Variants in GPAT4 observed in about 807,000 individuals in gnomAD.
GPAT4 encodes glycerol-3-phosphate acyltransferase 4, also known as 1-AGP acyltransferase 6.
In GPAT4, 17 loss-of-function variants were observed where a neutral mutation model predicts 58.0. The ratio of observed to expected loss-of-function variants is 0.29; its 90% CI spans 0.20 to 0.44. The LOEUF is 0.44. Among genes scored for constraint, GPAT4 ranks in the 20% least tolerant of loss-of-function variants. The probability of loss-of-function intolerance (pLI) is 1.00; values close to 1 mark genes in which losing one functional copy is unlikely to be tolerated. For missense variants in GPAT4, 377 were observed against 574.5 expected, an observed-to-expected ratio of 0.66 and a Z score of 3.51; for synonymous variants, 204 against 210.1, an observed-to-expected ratio of 0.97 and a Z score of 0.25.
chr8:41,586,633 G>A (rs541055466), intron 1 of GPAT4, among the ~76,000 whole-genome samples: 30 of 152,224 alleles, frequency 2.0e-4, no homozygotes, highest in African/African-American at 3.6e-4. Flanking sequence ...CAGCCAGCCC[G>A]GTCTGACCTG....
chr8:41,605,694 C>T (rs1284045438), intron 2 of GPAT4, among the ~76,000 whole-genome samples: 1 of 152,150 alleles, frequency 6.6e-6, no homozygotes, highest in African/African-American at 2.4e-5. Flanking sequence ...CCTGCCTCAG[C>T]CCCGAGTAGT....
intron 1 of GPAT4, among the ~76,000 whole-genome samples, chr8:41,587,199 T>C (rs1802677845): frequency 6.6e-6 from 1 of 152,232 alleles, no homozygotes. Flanking sequence ...TTGCCCCCAG[T>C]ATGCTCTGCA....
At chr8:41,612,347 G>T (rs1803469804) in intron 7 of GPAT4, 74 bp downstream of exon 7, 2 of 1,469,514 alleles carry the variant, frequency 1.4e-6, no homozygotes, top group African/African-American at 1.4e-5. Flanking sequence ...GAGGCTCCTG[G>T]ACCCTTCACA....
intron 2 of GPAT4, among the ~76,000 whole-genome samples, chr8:41,602,199 T>C (rs1489807732): frequency 6.6e-6 from 1 of 152,130 alleles, no homozygotes; most frequent in Non-Finnish European, 1.5e-5. Flanking sequence ...AACTGATCCA[T>C]CCGACTCAGT....
chr8:41,623,442 G>A lies in GPAT4; in HGVS notation c.*2441G>A, dbSNP rs1017127365. On this transcript the variant is annotated 3_prime_UTR_variant, in exon 13 of 13. Coordinates refer to ENST00000396987, the MANE Select transcript of GPAT4 (RefSeq NM_178819.4). ...TGGGAATGACACCCAGTGGTGTAAT[G>A]AGTGGAAAGTGCTGGTCAGCTGCTA... 3 of 152,260 alleles carry A rather than the reference G, an allele frequency of 2.0e-5. No homozygotes were observed. The highest frequency in any genetic ancestry group is 7.2e-5 in the African/African-American group (3 of 41,444). The allele number at this position is 152,260 out of a possible 1,614,324, so 9.4% of individuals were successfully genotyped here.
At position 41,609,760 on chromosome 8, in the gene GPAT4, A is replaced by T; in HGVS notation, c.341A>T (p.Asp114Val). Residue 114 changes from aspartate (D) to valine (V), a missense_variant, in exon 4 of 13, where the codon GAC (aspartate) becomes GTC (valine). Coordinates refer to ENST00000396987, the MANE Select transcript of GPAT4 (RefSeq NM_178819.4). The stretch of plus-strand genomic sequence containing the variant: ...AACACTCCAGAGTTCGAGCTCTCTG[A>T]CATTTTCTACTTTTGCCGGAAAGGA... ...LDNTPEFELS[D>V]IFYFCRKGME... 1 of 1,614,184 alleles carries T rather than the reference A, an allele frequency of 6.2e-7. No individual in the cohort carries two copies.
chr8:41,579,321 A>G (rs531275219), intron 1 of GPAT4, among the ~76,000 whole-genome samples: 2 of 152,286 alleles, frequency 1.3e-5, no homozygotes, highest in African/African-American at 4.8e-5. Flanking sequence ...CCTGTGCCAT[A>G]CACACCCCAC....
intron 12 of GPAT4, among the ~76,000 whole-genome samples, chr8:41,620,683 G>T (rs1421070191): frequency 6.6e-6 from 1 of 152,152 alleles, no homozygotes; most frequent in African/African-American, 2.4e-5. Flanking sequence ...TCTCACCCAA[G>T]GGCAAGGGTA....
chr8:41,614,717 C>T lies in GPAT4; in HGVS notation c.968-246C>T, dbSNP rs942534300. ...TCATGGTGTCCTCCTAAGGCCACTG[C>T]GCGTCTCTGCTTTATCTAGGCTGTG... is the stretch of plus-strand genomic sequence containing the variant. On this transcript the variant is annotated intron_variant, in intron 9 of 12. Coordinates refer to ENST00000396987, the MANE Select transcript of GPAT4 (RefSeq NM_178819.4). Among the ~76,000 whole-genome samples, 10 of 152,252 alleles carry T rather than the reference C, an allele frequency of 6.6e-5. No individual in the cohort carries two copies. In the South Asian group the frequency reaches 1.9e-3, roughly 28 times the overall value.
intron 2 of GPAT4, 85 bp from the exon 3 acceptor site, chr8:41,609,331 C>A: frequency 7.2e-7 from 1 of 1,391,608 alleles, no homozygotes; most frequent in Non-Finnish European, 1.0e-6. Context: ...GGGACTGAGG[C>A]TTTCACAGAA....
At chr8:41,610,413 C>G in intron 4 of GPAT4, 1 of 1,248,854 alleles carries the variant, frequency 8.0e-7, no homozygotes, top group Non-Finnish European at 1.0e-6. Flanking sequence ...ACCGGGGTTT[C>G]CAGCCAAAGG....
chr8:41,614,382 A>G lies in GPAT4; in HGVS notation c.912-4A>G, dbSNP rs778363498. On this transcript the variant is annotated splice_polypyrimidine_tract_variant and splice_region_variant and intron_variant, in intron 8 of 12. Coordinates refer to ENST00000396987, the MANE Select transcript of GPAT4 (RefSeq NM_178819.4). ...ACCCTTTATTTTATTTTCTTCTTTGAAAGACTGACTGAACATGTGCAAGAT... is the reference window on the plus strand; with the variant it reads ...ACCCTTTATTTTATTTTCTTCTTTGGAAGACTGACTGAACATGTGCAAGAT... The G allele has an allele frequency of 1.2e-6, 2 of 1,613,530 alleles. No homozygotes were observed. Among genetic ancestry groups the G allele is most frequent in the South Asian group, 2.2e-5 (2 of 90,998 alleles).
intron 8 of GPAT4, 43 bp downstream of exon 8, chr8:41,613,003 G>GCTTT: frequency 6.4e-7 from 1 of 1,565,644 alleles, no homozygotes. Flanking sequence ...CAGTTAGAAT[G>GCTTT]CTGAAAAGGT....
intron 4 of GPAT4, 62 bp from the exon 5 acceptor site, chr8:41,610,674 T>G (rs1803415058): frequency 5.6e-6 from 9 of 1,595,264 alleles, no homozygotes; most frequent in Non-Finnish European, 7.7e-6. Context: ...TTTTCACACC[T>G]TCAGTTCTGT....
At position 41,609,757 on chromosome 8, in the gene GPAT4, C is replaced by T. The variant is rs1803387522; in HGVS notation, c.338C>T (p.Ser113Phe). ...GACAACACTCCAGAGTTCGAGCTCT[C>T]TGACATTTTCTACTTTTGCCGGAAA... ...ALDNTPEFEL[S>F]DIFYFCRKGM... The change falls in exon 4 of 13, where the codon TCT (serine) becomes TTT (phenylalanine). Residue 113 changes from serine (S) to phenylalanine (F), a missense_variant. Physicochemically the swap from Ser to Phe is radical, Grantham distance 155 (BLOSUM62 -2). Transcript: ENST00000396987. The T allele has an allele frequency of 1.2e-6, 2 of 1,614,010 alleles. No individual in the cohort carries two copies. The highest frequency in any genetic ancestry group is 2.7e-5 in the African/African-American group (2 of 74,920).
chr8:41,593,205 C>T (rs1309137282), intron 1 of GPAT4, among the ~76,000 whole-genome samples: 1 of 152,136 alleles, frequency 6.6e-6, no homozygotes, highest in Non-Finnish European at 1.5e-5. Flanking sequence ...CGAGTCCCCA[C>T]CAGTCTTCAG....
rs539398576 is a variant in GPAT4, at chr8:41,602,190, A to T, written c.165+2886A>T. Among the ~76,000 whole-genome samples the T allele has an allele frequency of 2.0e-5, 3 of 152,290 alleles. No individual in the cohort carries two copies. The East Asian group carries it at 5.8e-4, about 29-fold the overall frequency. ...GGCTGGTCTTGAACTCCTGGCCTCA[A>T]CTGATCCATCCGACTCAGTCTTCCA... On this transcript the variant is annotated intron_variant, in intron 2 of 12. Coordinates refer to ENST00000396987, the MANE Select transcript of GPAT4 (RefSeq NM_178819.4).
chr8:41,596,244 C>A (rs139322406), intron 1 of GPAT4, among the ~76,000 whole-genome samples: 3 of 151,952 alleles, frequency 2.0e-5, no homozygotes, highest in Non-Finnish European at 4.4e-5. Context: ...AGACAAAACA[C>A]CACGCTCACC....
chr8:41,580,697 A>C lies in GPAT4; in HGVS notation c.-849+2419A>C, dbSNP rs182475027. On this transcript the variant is annotated intron_variant, in intron 1 of 12. Coordinates refer to ENST00000396987, the MANE Select transcript of GPAT4 (RefSeq NM_178819.4). ...TTTCAGGATGGACTTTTCTTTTGTG[A>C]GTTTGTGACCTAAATACAATAGTTG... Among the ~76,000 whole-genome samples, 253 of 152,244 alleles carry C rather than the reference A, an allele frequency of 1.7e-3. 1 individual carries two copies. Among genetic ancestry groups the C allele is most frequent in the African/African-American group, 5.9e-3 (246 of 41,548 alleles).
Sources: gnomAD v4.1 joint callset for allele counts (sites outside exome capture counted in the v4.1 genomes callset) on GRCh38, gnomAD v4.1.1 for gene constraint, MANE v1.5 for transcripts, NCBI Gene and HGNC (gene_info 2026-07-23, HGNC 2026-07-21) for gene names.